Variants in TACR3 observed in about 807,000 individuals in gnomAD.
TACR3 encodes the protein tachykinin receptor 3.
Under a neutral mutation model 35.0 loss-of-function variants are expected in TACR3, and 34 were observed. The observed-to-expected ratio is 0.97, with a 90% CI of 0.74 to 1.30. TACR3 has a LOEUF of 1.30. Ranked by LOEUF, TACR3 falls within the 50% of genes most tolerant of loss-of-function variation. The pLI, the probability that TACR3 is intolerant of heterozygous loss-of-function variation, is 0.00. For synonymous variants in TACR3, 233 were observed against 221.1 expected (o/e 1.05, Z -0.48); for missense variants, 558 against 591.7 (o/e 0.94, Z 0.59).
At chr4:103,620,262 T>C (rs1400376220) in intron 3 of TACR3, among the ~76,000 whole-genome samples, 12 of 152,192 alleles carry the variant, frequency 7.9e-5, no homozygotes, top group Non-Finnish European at 1.3e-4. Flanking sequence ...CTGGTGAGGT[T>C]GTGGAGAAAA....
chr4:103,671,752 T>C (rs1211106500), intron 1 of TACR3, among the ~76,000 whole-genome samples: 1 of 152,104 alleles, frequency 6.6e-6, no homozygotes, highest in Non-Finnish European at 1.5e-5. Context: ...TATTGATCTT[T>C]TGATGTAGAT....
intron 3 of TACR3, among the ~76,000 whole-genome samples, chr4:103,603,404 TGCACCTACTGTCTG>T (rs1365788809): frequency 3.9e-5 from 6 of 152,236 alleles, no homozygotes; most frequent in African/African-American, 1.4e-4. Flanking sequence ...CCCACTGTCT[TGCACCTACTGTCTG>T]GCACTCCCCA....
rs1434085339 is a variant in TACR3, at chr4:103,586,538, T to G, written c.*3144A>C. The G allele has an allele frequency of 6.6e-6, 1 of 152,118 alleles. No homozygotes were observed. The highest frequency in any genetic ancestry group is 2.4e-5 in the African/African-American group (1 of 41,434). The allele number at this position is 152,118 out of a possible 1,614,324, so 9.4% of individuals were successfully genotyped here. A position where few individuals can be genotyped will look rare whatever the true frequency, so the allele number is the denominator to read the frequency against. On this transcript the variant is annotated 3_prime_UTR_variant, in exon 5 of 5. Transcript: ENST00000304883. ...CAAATGTTGAGCTGGCCAGCATTTA[T>G]TTTTCACATTTATTTTGTATTTCAT...
chr4:103,589,679 G>T lies in TACR3; in HGVS notation c.*3C>A. On this transcript the variant is annotated 3_prime_UTR_variant, in exon 5 of 5. Transcript: ENST00000304883. ...CACTAATCTTTTACCTCAGGAAATG[G>T]AATTAAGAATATTCATCCACAGAGG... The T allele has an allele frequency of 1.2e-6, 2 of 1,613,748 alleles. No individual in the cohort carries two copies. Among genetic ancestry groups the T allele is most frequent in the South Asian group, 1.1e-5 (1 of 91,076 alleles).
At chr4:103,716,860 A>G (rs1454348418) in intron 1 of TACR3, among the ~76,000 whole-genome samples, 2 of 152,246 alleles carry the variant, frequency 1.3e-5, no homozygotes, top group Non-Finnish European at 2.9e-5. Context: ...CTTCAATTGT[A>G]GTCTAAATTG....
intron 3 of TACR3, among the ~76,000 whole-genome samples, chr4:103,602,303 G>T (rs994617331): frequency 6.6e-6 from 1 of 151,880 alleles, no homozygotes. Flanking sequence ...TTTTTTCAAA[G>T]CTTTGAACTT....
At chr4:103,691,646 C>G (rs1309154015) in intron 1 of TACR3, among the ~76,000 whole-genome samples, 1 of 152,158 alleles carries the variant, frequency 6.6e-6, no homozygotes, top group Non-Finnish European at 1.5e-5. Context: ...CTCTGCAGCA[C>G]TGTAACATAT....
At position 103,586,807 on chromosome 4, in the gene TACR3, A is replaced by G. The variant is rs963604064; in HGVS notation, c.*2875T>C. The G allele has an allele frequency of 9.9e-5, 15 of 152,116 alleles. No homozygotes were observed. The highest frequency in any genetic ancestry group is 8.5e-4 in the Admixed American group (13 of 15,248). The allele number at this position is 152,116 out of a possible 1,614,324, so 9.4% of individuals were successfully genotyped here. ...TTCTGTAACAATTATGTCCGCTTTA[A>G]TATTTTCCCATACAGGTAATTTCAA... is the stretch of plus-strand genomic sequence containing the variant. On this transcript the variant is annotated 3_prime_UTR_variant, in exon 5 of 5. Coordinates refer to ENST00000304883, the MANE Select transcript of TACR3 (RefSeq NM_001059.3).
At chr4:103,648,103 G>C (rs1215219033) in intron 3 of TACR3, among the ~76,000 whole-genome samples, 1 of 151,828 alleles carries the variant, frequency 6.6e-6, no homozygotes, top group South Asian at 2.1e-4. Flanking sequence ...AATTTTTTCA[G>C]CTCTTATATA....
At chr4:103,629,157 T>C (rs193147606) in intron 3 of TACR3, among the ~76,000 whole-genome samples, 1 of 152,270 alleles carries the variant, frequency 6.6e-6, no homozygotes, top group Admixed American at 6.5e-5. Flanking sequence ...ATCAGAGCTA[T>C]TTATGACAAA....
chr4:103,613,352 A>G (rs1307312507), intron 3 of TACR3, among the ~76,000 whole-genome samples: 1 of 152,212 alleles, frequency 6.6e-6, no homozygotes. Flanking sequence ...TATTTAAAAT[A>G]ATGCTTTTAA....
intron 3 of TACR3, among the ~76,000 whole-genome samples, chr4:103,654,474 C>T (rs1355188405): frequency 7.0e-6 from 1 of 143,212 alleles, no homozygotes; most frequent in Admixed American, 7.3e-5. Context: ...CATGTTCTCA[C>T]TCATTGGTGG....
At chr4:103,650,708 TAA>T in intron 3 of TACR3, among the ~76,000 whole-genome samples, 1 of 47,148 alleles carries the variant, frequency 2.1e-5, no homozygotes, top group African/African-American at 2.6e-4. Flanking sequence ...TTTATATATA[TAA>T]ATATATATAA....
At chr4:103,616,131 T>G (rs1030221308) in intron 3 of TACR3, among the ~76,000 whole-genome samples, 1 of 152,154 alleles carries the variant, frequency 6.6e-6, no homozygotes, top group East Asian at 1.9e-4. Context: ...CTAGACAGGA[T>G]AGTGAAGAAT....
At chr4:103,717,555 G>A (rs1723118125) in intron 1 of TACR3, among the ~76,000 whole-genome samples, 1 of 152,012 alleles carries the variant, frequency 6.6e-6, no homozygotes, top group Admixed American at 6.6e-5. Flanking sequence ...TTGAAATACA[G>A]ATTTCACATG....
At position 103,715,612 on chromosome 4, in the gene TACR3, T is replaced by C. The variant is rs566191140; in HGVS notation, c.548+3516A>G. The stretch of plus-strand genomic sequence containing the variant: ...GGTTTACAAGAAACAGTGTATGTGG[T>C]TTAAAAAAATATTTAATTAAATACT... On this transcript the variant is annotated intron_variant, in intron 1 of 4. Coordinates refer to ENST00000304883, the MANE Select transcript of TACR3 (RefSeq NM_001059.3). 2.6e-5 allele frequency among the ~76,000 whole-genome samples: 4 copies of C among 152,258 alleles called. No individual in the cohort carries two copies. In the East Asian group the frequency reaches 7.7e-4, roughly 29 times the overall value.
At chr4:103,651,622 C>T (rs1725619873) in intron 3 of TACR3, among the ~76,000 whole-genome samples, 2 of 151,646 alleles carry the variant, frequency 1.3e-5, no homozygotes, top group African/African-American at 2.4e-5. Context: ...AGATAAAGTC[C>T]CCTTTACTTT....
intron 1 of TACR3, among the ~76,000 whole-genome samples, chr4:103,669,166 A>G (rs1726000186): frequency 6.6e-6 from 1 of 152,078 alleles, no homozygotes; most frequent in Non-Finnish European, 1.5e-5. Context: ...ATGGCTGAAT[A>G]GTATTCTATT....
chr4:103,658,196 T>C lies in TACR3; in HGVS notation c.737+19A>G, dbSNP rs1219721190. On this transcript the variant is annotated intron_variant, in intron 2 of 4. Transcript: ENST00000304883. Reference sequence around the variant, plus strand: ...GTTTGATAAACTGAATTGAAAACCATAATAGAGAATTAACTTACGTGAAAT... The same window carrying C: ...GTTTGATAAACTGAATTGAAAACCACAATAGAGAATTAACTTACGTGAAAT... 1.9e-6 allele frequency: 3 copies of C among 1,611,906 alleles called. No individual in the cohort carries two copies. The highest frequency in any genetic ancestry group is 2.7e-5 in the African/African-American group (2 of 74,848).
Sources: allele counts gnomAD v4.1 joint callset (sites outside exome capture counted in the v4.1 genomes callset), GRCh38; gene constraint gnomAD v4.1.1; transcripts MANE v1.5; gene names NCBI Gene and HGNC (gene_info 2026-07-23, HGNC 2026-07-21).